The following ARID5B variants were observed in gnomAD, a reference collection of about 807,000 sequenced individuals.
The protein encoded by ARID5B is AT-rich interaction domain 5B, also known as AT-rich interactive domain-containing protein 5B.
ARID5B carries 13 observed loss-of-function variants against 97.2 expected under a neutral mutation model. That is an observed-to-expected ratio of 0.13 (90% confidence interval 0.09 to 0.21). The LOEUF (loss-of-function observed/expected upper bound fraction) is 0.21. Ranked by LOEUF, ARID5B falls within the 10% of genes least tolerant of loss-of-function variation. The pLI is 1.00. For missense variants in ARID5B, 1,210 were observed against 1,465.3 expected (o/e 0.83, Z 2.84); for synonymous variants, 556 against 570.3 (o/e 0.97, Z 0.36).
intron 4 of ARID5B, among the ~76,000 whole-genome samples, chr10:62,034,462 G>A (rs918775890): frequency 6.6e-6 from 1 of 152,158 alleles, no homozygotes; most frequent in African/African-American, 2.4e-5. Flanking sequence ...ATATTTAACC[G>A]CAGCTGACAT....
At chr10:61,912,618 G>GTA (rs1196767361) in intron 2 of ARID5B, among the ~76,000 whole-genome samples, 1 of 150,456 alleles carries the variant, frequency 6.6e-6, no homozygotes, top group Non-Finnish European at 1.5e-5. Flanking sequence ...GAAAATAAAA[G>GTA]TATATATATA....
chr10:62,010,618 A>T (rs1415502577), intron 4 of ARID5B, among the ~76,000 whole-genome samples: 1 of 152,160 alleles, frequency 6.6e-6, no homozygotes, highest in African/African-American at 2.4e-5. Flanking sequence ...GTTTTTTCTC[A>T]ATATTTATTT....
chr10:62,016,962 A>C (rs562007787), intron 4 of ARID5B, among the ~76,000 whole-genome samples: 59 of 152,272 alleles, frequency 3.9e-4, no homozygotes, highest in Non-Finnish European at 1.0e-4. Context: ...TTATGGTTAG[A>C]TTCTTACTAG....
Position 62,000,237 on chromosome 10 carries a change from A to C in ARID5B, c.649A>C (p.Ser217Arg). 1 of 1,614,044 alleles carries C rather than the reference A, an allele frequency of 6.2e-7. No individual in the cohort carries two copies. The highest frequency in any genetic ancestry group is 8.5e-7 in the Non-Finnish European group (1 of 1,179,922). ...GGCCCTGGGGGGCATTGCAGTGGTC[A>C]GCAGGAACCCTCAGATCCTGTACTG... ...ALALGGIAVVSRNPQILYCRD... is the reference protein window; with the variant it reads ...ALALGGIAVVRRNPQILYCRD... Residue 217 changes from serine (S) to arginine (R), a missense_variant, in exon 4 of 10, where the codon AGC becomes CGC. Ser to Arg is a moderately radical substitution (Grantham distance 110, BLOSUM62 -1). This residue lies in a region of ARID5B where 132 missense variants were observed against 156.7 expected (regional missense o/e 0.84). Transcript: ENST00000279873. The surrounding 1 kb of genome is among the most constrained non-coding windows in gnomAD (Gnocchi z 4.4).
intron 2 of ARID5B, among the ~76,000 whole-genome samples, chr10:61,934,769 C>A (rs944417594): frequency 6.6e-6 from 1 of 152,104 alleles, no homozygotes; most frequent in Non-Finnish European, 1.5e-5. Context: ...AATCCCAGCA[C>A]TTTGGGAGTC....
intron 5 of ARID5B, among the ~76,000 whole-genome samples, chr10:62,053,748 A>G (rs1450715128): frequency 6.6e-6 from 1 of 152,246 alleles, no homozygotes; most frequent in Non-Finnish European, 1.5e-5. Context: ...TCTAAAAGGA[A>G]CACAAAAAAG....
chr10:62,066,203 G>C lies in ARID5B; in HGVS notation c.1102-3497G>C, dbSNP rs550173664. Among the ~76,000 whole-genome samples the C allele has an allele frequency of 2.6e-5, 4 of 152,300 alleles. No individual in the cohort carries two copies. The South Asian group carries it at 8.3e-4, about 32-fold the overall frequency. Reference sequence around the variant, plus strand: ...ACATGAAGCCGGGAGATGTTTCCCTGCCCTGTTCTCTCTCCTTATTGGGCT... The same window carrying C: ...ACATGAAGCCGGGAGATGTTTCCCTCCCCTGTTCTCTCTCCTTATTGGGCT... On this transcript the variant is annotated intron_variant, in intron 7 of 9. Transcript: ENST00000279873.
At chr10:62,084,631 T>C (rs1211984140) in intron 8 of ARID5B, among the ~76,000 whole-genome samples, 1 of 152,236 alleles carries the variant, frequency 6.6e-6, no homozygotes, top group African/African-American at 2.4e-5. Flanking sequence ...TTATAAAAAC[T>C]TTAATCACTG....
chr10:61,960,670 A>G (rs1304669028), intron 3 of ARID5B, among the ~76,000 whole-genome samples: 6 of 150,876 alleles, frequency 4.0e-5, no homozygotes, highest in Non-Finnish European at 8.9e-5. Context: ...CCCTCTGACC[A>G]AGATCTCATC....
At chr10:61,937,847 ATG>A (rs1844332785) in intron 2 of ARID5B, among the ~76,000 whole-genome samples, 2 of 152,144 alleles carry the variant, frequency 1.3e-5, no homozygotes, top group Admixed American at 1.3e-4. Context: ...TTCTATATAT[ATG>A]TTGGCTACTT....
intron 3 of ARID5B, among the ~76,000 whole-genome samples, chr10:61,998,805 T>C (rs565639871): frequency 6.6e-6 from 1 of 152,120 alleles, no homozygotes; most frequent in African/African-American, 2.4e-5. Context: ...GTGGAGAAGG[T>C]GGGTGTATCA....
chr10:61,986,136 G>T (rs1297070480), intron 3 of ARID5B, among the ~76,000 whole-genome samples: 2 of 152,168 alleles, frequency 1.3e-5, no homozygotes, highest in Non-Finnish European at 2.9e-5. Context: ...GCAGAAGGCA[G>T]CTGGGGTGTG....
At chr10:62,068,506 C>T (rs1223526826) in intron 7 of ARID5B, among the ~76,000 whole-genome samples, 1 of 152,030 alleles carries the variant, frequency 6.6e-6, no homozygotes, top group African/African-American at 2.4e-5. Flanking sequence ...AATTACAGAG[C>T]CCCGGTTGCA....
In ARID5B at chr10:62,000,809, A is replaced by G. The variant is rs1380511160; in HGVS notation, c.733+488A>G. Among the ~76,000 whole-genome samples the G allele has an allele frequency of 2.0e-5, 3 of 151,346 alleles. No homozygotes were observed. In the East Asian group the frequency reaches 5.8e-4, roughly 29 times the overall value. On this transcript the variant is annotated intron_variant, in intron 4 of 9. Transcript: ENST00000279873. The surrounding 1 kb of genome is among the most constrained non-coding windows in gnomAD (Gnocchi z 4.4). The stretch of plus-strand genomic sequence containing the variant: ...ATAGATAACCACTTTAGTACTGTAC[A>G]GTAGATAGACACGTAGAGAGATGAT...
At chr10:62,045,597 C>T (rs1237961002) in intron 4 of ARID5B, among the ~76,000 whole-genome samples, 1 of 151,974 alleles carries the variant, frequency 6.6e-6, no homozygotes, top group African/African-American at 2.4e-5. Flanking sequence ...ACTACAGGTG[C>T]ACACCACCAT....
At position 61,947,261 on chromosome 10, in the gene ARID5B, CTTTTTTTT is replaced by C. The variant is rs199587188; in HGVS notation, c.502+6871_502+6878del. 2.5e-3 allele frequency among the ~76,000 whole-genome samples: 315 copies of C among 124,296 alleles called. 2 individuals are homozygous for C. The highest frequency in any genetic ancestry group is 9.0e-3 in the African/African-American group (298 of 33,130). The allele number at this position is 124,296 out of a possible 152,430, so 81.5% of individuals were successfully genotyped here. ...ACCAGTATATCTTCTCACTTACTTT[CTTTTTTTT>C]TTTTTTTTTTTTTTTTTGAGACAGG... On this transcript the variant is annotated intron_variant, in intron 3 of 9. Transcript: ENST00000279873.
At chr10:62,045,512 G>A (rs1839695949) in intron 4 of ARID5B, among the ~76,000 whole-genome samples, 1 of 150,438 alleles carries the variant, frequency 6.6e-6, no homozygotes. Flanking sequence ...GTGCAGTGGT[G>A]CGATCTTGGC....
intron 4 of ARID5B, among the ~76,000 whole-genome samples, chr10:62,013,617 C>T (rs1200603033): frequency 6.6e-6 from 1 of 151,980 alleles, no homozygotes; most frequent in Non-Finnish European, 1.5e-5. Context: ...CACCATTCTA[C>T]TCTCTACTCC....
chr10:62,048,816 G>A lies in ARID5B; in HGVS notation c.734-2072G>A, dbSNP rs1589273978. On this transcript the variant is annotated intron_variant, in intron 4 of 9. Coordinates refer to ENST00000279873, the MANE Select transcript of ARID5B (RefSeq NM_032199.3). ...AAATAAATGCCTTTTAGGTCTAAGT[G>A]CTTTTCACCAAAATGCTAGGAAGGG... Among the ~76,000 whole-genome samples the A allele has an allele frequency of 2.0e-5, 3 of 152,326 alleles. No homozygotes were observed. The South Asian group carries it at 6.2e-4, about 32-fold the overall frequency.
Sources: allele counts gnomAD v4.1 joint callset (sites outside exome capture counted in the v4.1 genomes callset), GRCh38; gene constraint gnomAD v4.1.1; regional missense constraint gnomAD v4.1.1; non-coding constraint Gnocchi (gnomAD v3.1); transcripts MANE v1.5; gene names NCBI Gene and HGNC (gene_info 2026-07-23, HGNC 2026-07-21).